Variants in GPC6 observed in about 807,000 individuals in gnomAD.
GPC6 encodes the protein glypican 6.
In GPC6, 14 loss-of-function variants were observed where a neutral mutation model predicts 55.2. The observed-to-expected ratio is 0.25, with a 90% CI of 0.17 to 0.40. The LOEUF is 0.40. Among genes scored for constraint, GPC6 ranks in the 10% least tolerant of loss-of-function variants. The pLI is 1.00. For missense variants in GPC6, 641 were observed against 708.5 expected (o/e 0.90, Z 1.08); for synonymous variants, 278 against 259.6 (o/e 1.07, Z -0.68).
Position 94,239,926 on chromosome 13 carries a change from A to G in GPC6, c.878-46423A>G, listed in dbSNP as rs149140630. ...TGTGCAAAGGAGACTCCTGGGACCA[A>G]TGGACCCAGTTTTCCTTAGGAAGTG... On this transcript the variant is annotated intron_variant, in intron 4 of 8. Transcript: ENST00000377047. Among the ~76,000 whole-genome samples the G allele has an allele frequency of 5.9e-5, 9 of 152,182 alleles. No homozygotes were observed. In the East Asian group the frequency reaches 1.7e-3, roughly 30 times the overall value.
intron 1 of GPC6, among the ~76,000 whole-genome samples, chr13:93,247,601 G>A (rs1333534862): frequency 1.3e-5 from 2 of 152,044 alleles, no homozygotes; most frequent in Admixed American, 6.6e-5. Context: ...AAAAGCTTAG[G>A]CCAATCTTTT....
intron 2 of GPC6, among the ~76,000 whole-genome samples, chr13:93,633,483 T>C (rs1013970510): frequency 4.6e-5 from 7 of 151,842 alleles, no homozygotes; most frequent in South Asian, 2.1e-4. Context: ...CCGTCTCTAC[T>C]AAAAATACAA....
chr13:93,454,364 TG>T (rs929139191), intron 1 of GPC6, among the ~76,000 whole-genome samples: 1 of 109,172 alleles, frequency 9.2e-6, no homozygotes, highest in African/African-American at 3.1e-5. Flanking sequence ...TAGTGTCGAT[TG>T]GTGCACTCAC....
chr13:93,363,729 G>A (rs1881135781), intron 1 of GPC6, among the ~76,000 whole-genome samples: 1 of 150,774 alleles, frequency 6.6e-6, no homozygotes, highest in African/African-American at 2.4e-5. Context: ...CACAATGGTT[G>A]AACTAGTTTA....
intron 6 of GPC6, among the ~76,000 whole-genome samples, chr13:94,342,548 C>T (rs1350030524): frequency 1.3e-5 from 2 of 152,188 alleles, no homozygotes; most frequent in Non-Finnish European, 1.5e-5. Flanking sequence ...AAGAACCAAC[C>T]TGGTCAATAC....
rs908013050 is a variant in GPC6 at position 93,822,805 on chromosome 13, A to G, written c.320-7349A>G. ...CTTTTTTATGGATCCATAGTATTCC[A>G]TGGTGTATAAGTGCCACATTTTCTT... On this transcript the variant is annotated intron_variant, in intron 2 of 8. Transcript: ENST00000377047. Among the ~76,000 whole-genome samples, 9 of 151,020 alleles carry G rather than the reference A, an allele frequency of 6.0e-5. No homozygotes were observed. The South Asian group carries it at 1.5e-3, about 24-fold the overall frequency.
rs535159615 is a variant in GPC6 at position 93,762,962 on chromosome 13, A to G, written c.320-67192A>G. Reference sequence around the variant, plus strand: ...ATACGACTGACAAGCTGTGAGTAATAGAGTGCACCTTGGAAAAGATTTATA... The same window carrying G: ...ATACGACTGACAAGCTGTGAGTAATGGAGTGCACCTTGGAAAAGATTTATA... On this transcript the variant is annotated intron_variant, in intron 2 of 8. Transcript: ENST00000377047. 2.0e-5 allele frequency among the ~76,000 whole-genome samples: 3 copies of G among 152,316 alleles called. No homozygotes were observed. In the East Asian group the frequency reaches 5.8e-4, roughly 29 times the overall value.
chr13:94,044,560 C>G (rs1025438442), intron 4 of GPC6, among the ~76,000 whole-genome samples: 8 of 151,784 alleles, frequency 5.3e-5, no homozygotes, highest in African/African-American at 1.7e-4. Context: ...CAATATTTTG[C>G]TATAACAAAT....
intron 6 of GPC6, among the ~76,000 whole-genome samples, chr13:94,341,454 C>T (rs935474490): frequency 5.9e-5 from 9 of 152,066 alleles, no homozygotes; most frequent in East Asian, 3.9e-4. Flanking sequence ...GATGTGGTGG[C>T]GTGCACCTGT....
At chr13:93,427,559 T>C (rs1566351354) in intron 1 of GPC6, among the ~76,000 whole-genome samples, 2 of 152,202 alleles carry the variant, frequency 1.3e-5, no homozygotes, top group African/African-American at 2.4e-5. Context: ...TGTAGAAAGC[T>C]GAAACGGGAA....
chr13:93,723,923 T>A (rs1883538821), intron 2 of GPC6, among the ~76,000 whole-genome samples: 2 of 151,994 alleles, frequency 1.3e-5, no homozygotes, highest in Admixed American at 1.3e-4. Flanking sequence ...CGGATCAACC[T>A]TGTTAAGGTT....
intron 2 of GPC6, among the ~76,000 whole-genome samples, chr13:93,707,996 A>G (rs902596110): frequency 1.3e-5 from 2 of 151,828 alleles, no homozygotes; most frequent in African/African-American, 4.8e-5. Flanking sequence ...TCCAATTCCT[A>G]TTAATTTTGA....
At chr13:93,757,215 G>A (rs1214936540) in intron 2 of GPC6, among the ~76,000 whole-genome samples, 5 of 152,116 alleles carry the variant, frequency 3.3e-5, no homozygotes, top group Admixed American at 3.3e-4. Flanking sequence ...ATACACATAA[G>A]CAGTGATTGT....
chr13:93,450,651 T>C, intron 1 of GPC6: 1 of 601,782 alleles, frequency 1.7e-6, no homozygotes, highest in Non-Finnish European at 2.1e-6. Flanking sequence ...TGCATTTCCC[T>C]GAAGAATGCG....
intron 2 of GPC6, among the ~76,000 whole-genome samples, chr13:93,736,466 A>G (rs2138842998): frequency 6.6e-6 from 1 of 152,314 alleles, no homozygotes; most frequent in Non-Finnish European, 1.5e-5. Flanking sequence ...GATAATGATG[A>G]ATAGAATATT....
chr13:93,576,005 T>C (rs958125689), intron 2 of GPC6, among the ~76,000 whole-genome samples: 1 of 152,158 alleles, frequency 6.6e-6, no homozygotes, highest in Non-Finnish European at 1.5e-5. Context: ...TAAACAATGC[T>C]TTTTCTTTCT....
chr13:94,056,697 A>G (rs1318018952), intron 4 of GPC6, among the ~76,000 whole-genome samples: 1 of 152,186 alleles, frequency 6.6e-6, no homozygotes, highest in Non-Finnish European at 1.5e-5. Context: ...AATTACTGAA[A>G]AATTCAGTAG....
intron 1 of GPC6, among the ~76,000 whole-genome samples, chr13:93,293,090 C>T (rs987922639): frequency 3.3e-5 from 5 of 152,066 alleles, no homozygotes; most frequent in East Asian, 3.9e-4. Flanking sequence ...TCAAGCCATC[C>T]TCCCACCTCC....
intron 3 of GPC6, among the ~76,000 whole-genome samples, chr13:93,866,480 A>G (rs960432910): frequency 6.6e-6 from 1 of 151,848 alleles, no homozygotes; most frequent in African/African-American, 2.4e-5. Flanking sequence ...AATTCCCATC[A>G]GTGATAGACT....
Sources: allele counts gnomAD v4.1 joint callset (sites outside exome capture counted in the v4.1 genomes callset), GRCh38; gene constraint gnomAD v4.1.1; transcripts MANE v1.5; gene names NCBI Gene and HGNC (gene_info 2026-07-23, HGNC 2026-07-21).